Variants in GASK1A observed in about 807,000 individuals in gnomAD.
GASK1A encodes Golgi-associated kinase 1A.
In GASK1A, 40 loss-of-function variants were observed where a neutral mutation model predicts 41.2. The observed-to-expected ratio is 0.97, with a 90% confidence interval of 0.75 to 1.27. GASK1A has a LOEUF of 1.27. Ranked by LOEUF, GASK1A falls within the 50% of genes most tolerant of loss-of-function variation. GASK1A has a pLI of 0.00. For synonymous variants in GASK1A, 316 were observed against 307.1 expected (o/e 1.03, Z -0.30); for missense variants, 678 against 745.1 (o/e 0.91, Z 1.05).
chr3:43,010,459 C>T (rs2089458029), intron 1 of GASK1A, among the ~76,000 whole-genome samples: 1 of 152,264 alleles, frequency 6.6e-6, no homozygotes, highest in East Asian at 1.9e-4. Flanking sequence ...GAGTGGGCTG[C>T]AAGAGTTAAA....
chr3:43,016,294 T>C (rs1466863182), intron 1 of GASK1A, among the ~76,000 whole-genome samples: 2 of 150,864 alleles, frequency 1.3e-5, no homozygotes, highest in Non-Finnish European at 3.0e-5. Context: ...AAACAGGCTG[T>C]GTGAAGCCAT....
At chr3:43,020,896 A>G (rs551676465) in intron 1 of GASK1A, among the ~76,000 whole-genome samples, 1 of 152,248 alleles carries the variant, frequency 6.6e-6, no homozygotes, top group Non-Finnish European at 1.5e-5. Context: ...AGCAAGTCAC[A>G]TGGCCAAAGC....
intron 1 of GASK1A, among the ~76,000 whole-genome samples, chr3:42,990,714 C>T (rs931220618): frequency 1.3e-5 from 2 of 152,148 alleles, no homozygotes; most frequent in Admixed American, 1.3e-4. Context: ...GAGAGTCCCA[C>T]GTGTGATGTT....
intron 1 of GASK1A, among the ~76,000 whole-genome samples, chr3:42,982,865 A>G (rs1004491470): frequency 7.2e-5 from 11 of 152,312 alleles, no homozygotes; most frequent in East Asian, 3.9e-4. Context: ...AGTGGGGGCA[A>G]TGGAGTCCCA....
chr3:42,998,844 A>G (rs1194244937), intron 1 of GASK1A, among the ~76,000 whole-genome samples: 2 of 152,160 alleles, frequency 1.3e-5, no homozygotes, highest in Non-Finnish European at 2.9e-5. Context: ...CGTGGCTACT[A>G]GTGATGCCTA....
intron 1 of GASK1A, among the ~76,000 whole-genome samples, chr3:42,993,554 G>A (rs1256209058): frequency 6.6e-6 from 1 of 152,058 alleles, no homozygotes; most frequent in African/African-American, 2.4e-5. Flanking sequence ...AATAAAAAAC[G>A]CATCTTGAGA....
At chr3:43,029,837 GC>G (rs930667321) in intron 1 of GASK1A, among the ~76,000 whole-genome samples, 2 of 152,260 alleles carry the variant, frequency 1.3e-5, no homozygotes, top group African/African-American at 4.8e-5. Flanking sequence ...TGTTTACGGT[GC>G]TGAGAAATGT....
At chr3:43,042,782 A>G (rs1333896323) in intron 2 of GASK1A, among the ~76,000 whole-genome samples, 2 of 152,182 alleles carry the variant, frequency 1.3e-5, no homozygotes, top group African/African-American at 4.8e-5. Context: ...AGCTCCTCAA[A>G]GCCCATCAGC....
intron 1 of GASK1A, among the ~76,000 whole-genome samples, chr3:43,028,893 T>G (rs1179545783): frequency 6.6e-6 from 1 of 151,906 alleles, no homozygotes; most frequent in Non-Finnish European, 1.5e-5. Context: ...CCACCCCTTC[T>G]GCTTGCTGGT....
At chr3:43,046,975 T>G (rs963046976) in intron 2 of GASK1A, among the ~76,000 whole-genome samples, 1 of 152,232 alleles carries the variant, frequency 6.6e-6, no homozygotes, top group African/African-American at 2.4e-5. Flanking sequence ...TTTCAGAGGA[T>G]GTATGGAAAC....
rs79496115 is a variant in GASK1A, at chr3:43,025,914, T to C, written c.4-6353T>C. Among the ~76,000 whole-genome samples, 123 of 152,302 alleles carry C rather than the reference T, an allele frequency of 8.1e-4. 2 individuals carry two copies. In the East Asian group the frequency reaches 0.021, roughly 27 times the overall value. On this transcript the variant is annotated intron_variant, in intron 1 of 4. Transcript: ENST00000430121. ...TGGAAGACAAAATGCAAATTCCTTTTTCAGATAAATTAGGAGGCAGTCACC... is the reference window on the plus strand; with the variant it reads ...TGGAAGACAAAATGCAAATTCCTTTCTCAGATAAATTAGGAGGCAGTCACC...
At chr3:43,052,769 C>T (rs1238955869) in intron 2 of GASK1A, among the ~76,000 whole-genome samples, 1 of 152,228 alleles carries the variant, frequency 6.6e-6, no homozygotes, top group African/African-American at 2.4e-5. Context: ...TCCTCAACCT[C>T]TTTGTCCTAG....
At chr3:42,987,738 C>A (rs527284596) in intron 1 of GASK1A, among the ~76,000 whole-genome samples, 1 of 152,056 alleles carries the variant, frequency 6.6e-6, no homozygotes, top group Non-Finnish European at 1.5e-5. Context: ...GTGGCTCACA[C>A]CTGTAATCCC....
Position 43,056,493 on chromosome 3 carries a change from A to G in GASK1A, c.*107A>G. ...AAAAGCCAGAAGCCAGAGGGGCACAAGGATGTCACGGGATATTTCACCTGC... is the reference window on the plus strand; with the variant it reads ...AAAAGCCAGAAGCCAGAGGGGCACAGGGATGTCACGGGATATTTCACCTGC... On this transcript the variant is annotated 3_prime_UTR_variant, in exon 5 of 5. Transcript: ENST00000430121. The G allele has an allele frequency of 2.0e-6, 2 of 1,002,120 alleles. No individual in the cohort carries two copies. The highest frequency in any genetic ancestry group is 2.9e-6 in the Non-Finnish European group (2 of 696,642). 62.1% of individuals were successfully genotyped at this position (1,002,120 alleles called of 1,614,324 possible). A position where few individuals can be genotyped will look rare whatever the true frequency, so the allele number is the denominator to read the frequency against.
chr3:43,016,239 A>G (rs1159513182), intron 1 of GASK1A, among the ~76,000 whole-genome samples: 3 of 141,474 alleles, frequency 2.1e-5, no homozygotes, highest in African/African-American at 7.9e-5. Flanking sequence ...TGAAGCCACA[A>G]GAAGGGGAAG....
At chr3:42,985,363 A>C (rs2089302926) in intron 1 of GASK1A, among the ~76,000 whole-genome samples, 1 of 152,140 alleles carries the variant, frequency 6.6e-6, no homozygotes, top group South Asian at 2.1e-4. Context: ...ATTCACATTC[A>C]ATGTGTAAAT....
chr3:43,036,012 C>T (rs1426098003), intron 2 of GASK1A, among the ~76,000 whole-genome samples: 2 of 152,184 alleles, frequency 1.3e-5, no homozygotes. Flanking sequence ...GTCCTGGGGC[C>T]TTGATCTCTG....
At chr3:43,021,049 G>A (rs756026109) in intron 1 of GASK1A, among the ~76,000 whole-genome samples, 4 of 152,166 alleles carry the variant, frequency 2.6e-5, no homozygotes, top group Non-Finnish European at 5.9e-5. Flanking sequence ...CTTCCCGGTT[G>A]AGAGCTGTTT....
intron 1 of GASK1A, among the ~76,000 whole-genome samples, chr3:42,985,583 GT>G (rs1559395422): frequency 2.5e-4 from 37 of 149,076 alleles, no homozygotes; most frequent in East Asian, 2.3e-3. Context: ...GTGTGTGTGT[GT>G]GTGGGCGGAG....
Sources: allele counts gnomAD v4.1 joint callset (sites outside exome capture counted in the v4.1 genomes callset), GRCh38; gene constraint gnomAD v4.1.1; transcripts MANE v1.5; gene names NCBI Gene and HGNC (gene_info 2026-07-23, HGNC 2026-07-21).